The following INSC variants were observed in gnomAD, a reference collection of about 807,000 sequenced individuals.
INSC encodes the protein INSC spindle orientation adaptor protein.
A neutral mutation model predicts 58.6 loss-of-function variants in INSC; 67 were observed. The ratio of observed to expected loss-of-function variants is 1.14; its 90% CI spans 0.94 to 1.40. INSC has a LOEUF of 1.40. INSC is among the 40% of genes most tolerant of loss of function. INSC has a pLI of 0.00. For missense variants in INSC, 714 were observed against 692.0 expected (o/e 1.03, Z -0.36); for synonymous variants, 262 against 276.1 (o/e 0.95, Z 0.51).
intron 9 of INSC, among the ~76,000 whole-genome samples, chr11:15,226,634 T>C (rs1851651298): frequency 6.6e-6 from 1 of 152,194 alleles, no homozygotes; most frequent in African/African-American, 2.4e-5. Flanking sequence ...AGCTTATCCC[T>C]GTCTGCATTT....
intron 1 of INSC, among the ~76,000 whole-genome samples, chr11:15,121,178 G>A (rs1847863530): frequency 6.6e-6 from 1 of 152,080 alleles, no homozygotes; most frequent in African/African-American, 2.4e-5. Flanking sequence ...TCTTACCACA[G>A]TGCAATTCGG....
chr11:15,151,341 C>G (rs1848644131), intron 2 of INSC, among the ~76,000 whole-genome samples: 1 of 152,138 alleles, frequency 6.6e-6, no homozygotes, highest in Non-Finnish European at 1.5e-5. Context: ...TCCACTAAAC[C>G]AGTCCCTGGT....
At chr11:15,173,400 G>GT (rs1231808324) in intron 2 of INSC, among the ~76,000 whole-genome samples, 1 of 152,170 alleles carries the variant, frequency 6.6e-6, no homozygotes, top group East Asian at 1.9e-4. Flanking sequence ...CTAGGTTAAA[G>GT]TTAGTTGGCT....
intron 1 of INSC, 43 bp downstream of exon 1, chr11:15,115,046 T>A: frequency 1.0e-6 from 1 of 976,672 alleles, no homozygotes; most frequent in Non-Finnish European, 1.2e-6. Context: ...GGGCTGGTGA[T>A]GCCTCTGCTA....
At chr11:15,166,004 A>G (rs185529295) in intron 2 of INSC, among the ~76,000 whole-genome samples, 5 of 152,258 alleles carry the variant, frequency 3.3e-5, no homozygotes, top group East Asian at 3.9e-4. Context: ...CTGCTCGACT[A>G]TGTAAGCTTC....
intron 2 of INSC, among the ~76,000 whole-genome samples, chr11:15,153,790 C>G (rs1455209756): frequency 6.6e-6 from 1 of 152,162 alleles, no homozygotes; most frequent in Admixed American, 6.5e-5. Flanking sequence ...TCATCTATGC[C>G]ATCCCTTCAT....
intron 1 of INSC, among the ~76,000 whole-genome samples, chr11:15,148,925 C>T (rs187515842): frequency 5.3e-5 from 8 of 152,262 alleles, no homozygotes; most frequent in African/African-American, 1.7e-4. Context: ...ATAAAGTGGG[C>T]TAGGGACTTA....
chr11:15,154,413 G>C (rs549931379), intron 2 of INSC, among the ~76,000 whole-genome samples: 1 of 152,322 alleles, frequency 6.6e-6, no homozygotes, highest in African/African-American at 2.4e-5. Flanking sequence ...GGGTAAGCCA[G>C]AGATTTATCC....
chr11:15,209,549 T>G (rs186287201), intron 7 of INSC, among the ~76,000 whole-genome samples: 1 of 152,208 alleles, frequency 6.6e-6, no homozygotes, highest in Admixed American at 6.5e-5. Context: ...GTGGTACTGC[T>G]CTGGAAGCGT....
intron 2 of INSC, among the ~76,000 whole-genome samples, chr11:15,165,276 G>T (rs1849156075): frequency 6.6e-6 from 1 of 151,852 alleles, no homozygotes; most frequent in African/African-American, 2.4e-5. Flanking sequence ...TGACTTTTAA[G>T]TAAAAAAGGT....
At chr11:15,112,657 G>GA, upstream of INSC, 1 of 227,044 alleles carries the variant, frequency 4.4e-6, no homozygotes, top group Non-Finnish European at 8.8e-6. Flanking sequence ...TGGGGGGGGG[G>GA]CATTTATGCC....
intron 10 of INSC, among the ~76,000 whole-genome samples, chr11:15,236,758 C>G (rs1279222155): frequency 6.6e-6 from 1 of 152,220 alleles, no homozygotes; most frequent in African/African-American, 2.4e-5. Context: ...GAGCTGGGAG[C>G]CTGTGCCCGC....
At chr11:15,180,080 C>T (rs796743936) in intron 5 of INSC, among the ~76,000 whole-genome samples, 10 of 152,174 alleles carry the variant, frequency 6.6e-5, no homozygotes, top group African/African-American at 2.4e-4. Flanking sequence ...CGTGGTGAAA[C>T]CCCATCTGTA....
intron 7 of INSC, among the ~76,000 whole-genome samples, chr11:15,207,649 G>A (rs997262212): frequency 5.6e-4 from 86 of 152,314 alleles, no homozygotes; most frequent in South Asian, 1.5e-3. Flanking sequence ...CTGCAAGCGG[G>A]AATGGTGGGG....
chr11:15,156,606 A>G (rs573651638), intron 2 of INSC, among the ~76,000 whole-genome samples: 2 of 152,172 alleles, frequency 1.3e-5, no homozygotes, highest in Non-Finnish European at 2.9e-5. Flanking sequence ...TAAGTACCCA[A>G]TCAATTTTAG....
intron 6 of INSC, among the ~76,000 whole-genome samples, chr11:15,198,695 T>G (rs1850464259): frequency 6.6e-6 from 1 of 152,164 alleles, no homozygotes; most frequent in African/African-American, 2.4e-5. Flanking sequence ...TATTTACATC[T>G]GGAAGAAGGC....
At chr11:15,132,078 C>G (rs1490028945) in intron 1 of INSC, among the ~76,000 whole-genome samples, 1 of 151,988 alleles carries the variant, frequency 6.6e-6, no homozygotes, top group Non-Finnish European at 1.5e-5. Flanking sequence ...TTTTCTCTTT[C>G]TCCATGTCTG....
At chr11:15,190,558 G>T (rs1200721426) in intron 5 of INSC, 143 bp from the exon 6 acceptor site, 6 of 683,538 alleles carry the variant, frequency 8.8e-6, no homozygotes, top group Non-Finnish European at 1.6e-5. Flanking sequence ...GAACTTCATT[G>T]CACTCACAAT....
chr11:15,245,983 G>A lies in INSC; in HGVS notation c.1542G>A (p.Gln514=). Residue 514 remains glutamine, a synonymous_variant, in exon 13 of 13, where the codon CAG becomes CAA. Transcript: ENST00000379556. ...ACTCTGACTTTCAGCAGTTGGTCCA[G>A]CCTCGGCTGGTGGACTCCTTCTTAC... ...LQDSDFQQLV[Q]PRLVDSFLLC... 1 of 1,614,202 alleles carries A rather than the reference G, an allele frequency of 6.2e-7. No homozygotes were observed. Among genetic ancestry groups the A allele is most frequent in the Non-Finnish European group, 8.5e-7 (1 of 1,180,022 alleles).
Sources: gnomAD v4.1 joint callset for allele counts (sites outside exome capture counted in the v4.1 genomes callset) on GRCh38, gnomAD v4.1.1 for gene constraint, MANE v1.5 for transcripts, NCBI Gene and HGNC (gene_info 2026-07-23, HGNC 2026-07-21) for gene names.